The following GALNS variants were observed in gnomAD, a reference collection of about 807,000 sequenced individuals.
The protein encoded by GALNS is N-acetylgalactosamine-6-sulfatase.
In GALNS, 65 loss-of-function variants were observed where a neutral mutation model predicts 65.9. The ratio of observed to expected loss-of-function variants is 0.99; its 90% CI spans 0.81 to 1.21. The LOEUF (loss-of-function observed/expected upper bound fraction) is 1.21, where lower values mean the gene tolerates loss of function less well. Among genes scored for constraint, GALNS ranks in the 50% most tolerant of loss-of-function variants. The pLI, the probability that GALNS is intolerant of heterozygous loss-of-function variation, is 0.00. For synonymous variants in GALNS, 346 were observed against 288.9 expected (o/e 1.20, Z -2.00); for missense variants, 776 against 700.7 (o/e 1.11, Z -1.21).
At chr16:88,819,260 G>T (rs1419962003) in intron 12 of GALNS, among the ~76,000 whole-genome samples, 1 of 152,094 alleles carries the variant, frequency 6.6e-6, no homozygotes, top group Non-Finnish European at 1.5e-5. Flanking sequence ...TCAGGCCTGG[G>T]GTTGCATCAG....
chr16:88,841,171 G>T, intron 3 of GALNS, 77 bp from the exon 4 acceptor site: 1 of 1,127,932 alleles, frequency 8.9e-7, no homozygotes, highest in Non-Finnish European at 1.3e-6. Context: ...AGGACACTGG[G>T]GGCTGCGTCC....
chr16:88,842,845 C>A lies in GALNS; in HGVS notation c.121-16G>T, dbSNP rs113230137. Reference sequence around the variant, plus strand: ...CCCATCCCATCTGCAGGGAAGAGCACGGGGAGGAGGAATGAGCGCCTTCTG... The same window carrying A: ...CCCATCCCATCTGCAGGGAAGAGCAAGGGGAGGAGGAATGAGCGCCTTCTG... On this transcript the variant is annotated splice_polypyrimidine_tract_variant and intron_variant, in intron 1 of 13. Transcript: ENST00000268695. The A allele has an allele frequency of 1.2e-5, 19 of 1,612,330 alleles. No homozygotes were observed. In the Admixed American group the frequency reaches 3.2e-4, roughly 27 times the overall value.
intron 2 of GALNS, chr16:88,842,315 C>A (rs952013711): frequency 2.0e-6 from 1 of 510,290 alleles, no homozygotes; most frequent in Non-Finnish European, 3.6e-6. Flanking sequence ...CTCTTCCTCA[C>A]GATCAACACC....
At chr16:88,840,163 T>C (rs2143004070) in intron 4 of GALNS, among the ~76,000 whole-genome samples, 1 of 152,332 alleles carries the variant, frequency 6.6e-6, no homozygotes, top group East Asian at 1.9e-4. Flanking sequence ...AATGATGAAG[T>C]GCTCCCTAGA....
intron 9 of GALNS, among the ~76,000 whole-genome samples, chr16:88,830,529 C>T (rs1436661039): frequency 2.0e-5 from 3 of 152,210 alleles, no homozygotes; most frequent in African/African-American, 7.2e-5. Context: ...ATGGCTGCCT[C>T]TGGAGGCCAT....
At chr16:88,854,760 G>A (rs539319903) in intron 1 of GALNS, among the ~76,000 whole-genome samples, 75 of 152,364 alleles carry the variant, frequency 4.9e-4, no homozygotes, top group Non-Finnish European at 8.2e-4. Context: ...CTCGCCAGGC[G>A]GCCCTGGTCT....
chr16:88,814,473 T>G lies in GALNS; in HGVS notation c.1535A>C (p.Glu512Ala), dbSNP rs1289000226. 2 of 1,563,746 alleles carry G rather than the reference T, an allele frequency of 1.3e-6. No homozygotes were observed. Among genetic ancestry groups the G allele is most frequent in the East Asian group, 2.3e-5 (1 of 42,570 alleles). ...EKLGKCLTPP[E>A]SIPKKCLWSH ...CCAGAGGCACTTCTTGGGAATGGAT[T>G]CTGGAGGTGTCAGACACTTCCCTAA... The change falls in exon 14 of 14, where the codon GAA (glutamate) becomes GCA (alanine). Residue 512 changes from glutamate to alanine, a missense_variant. Physicochemically the swap from Glu to Ala is moderately radical, Grantham distance 107. Coordinates refer to ENST00000268695, the MANE Select transcript of GALNS (RefSeq NM_000512.5).
intron 1 of GALNS, chr16:88,856,269 G>C: frequency 1.4e-6 from 1 of 703,054 alleles, no homozygotes; most frequent in Non-Finnish European, 2.6e-6. Flanking sequence ...CCCAGCGGGG[G>C]GACCCGGCGG....
At chr16:88,849,296 A>G (rs1315148396) in intron 1 of GALNS, among the ~76,000 whole-genome samples, 3 of 150,632 alleles carry the variant, frequency 2.0e-5, no homozygotes, top group African/African-American at 7.3e-5. Flanking sequence ...TATTATCATT[A>G]TTTTTTGAGA....
chr16:88,817,839 G>A (rs943445650), intron 13 of GALNS, among the ~76,000 whole-genome samples, 168 bp downstream of exon 13: 2 of 151,870 alleles, frequency 1.3e-5, no homozygotes, highest in African/African-American at 4.8e-5. Flanking sequence ...CCTGCCTCCC[G>A]AATCCCGGAC....
In GALNS at chr16:88,835,262, G is replaced by T. The variant is rs774605848; in HGVS notation, c.849C>A (p.Val283=). 5.6e-6 allele frequency: 9 copies of T among 1,610,318 alleles called. No homozygotes were observed. In the South Asian group the frequency reaches 1.0e-4, roughly 18 times the overall value. Residue 283 remains valine, a synonymous_variant, in exon 8 of 14, where the codon GTC becomes GTA. Transcript: ENST00000268695. ...QDLHVADNTF[V]FFTSDNGAAL... is the part of the protein sequence containing the mutation. ...CAGCGCCGTTGTCCGACGTGAAGAA[G>T]ACGAAGGTGTTGTCCGCGACGTGCA...
chr16:88,827,178 A>C (rs1911019268), intron 9 of GALNS: 1 of 420,242 alleles, frequency 2.4e-6, no homozygotes, highest in Admixed American at 3.6e-5. Flanking sequence ...TCTAACACTG[A>C]ATGCCCTAAG....
chr16:88,824,687 C>T lies in GALNS; in HGVS notation c.1242+80G>A. 3.4e-6 allele frequency: 4 copies of T among 1,170,220 alleles called. No individual in the cohort carries two copies. In the South Asian group the frequency reaches 4.9e-5, roughly 14 times the overall value. 72.5% of individuals were successfully genotyped at this position (1,170,220 alleles called of 1,614,324 possible). On this transcript the variant is annotated intron_variant, in intron 11 of 13. Coordinates refer to ENST00000268695, the MANE Select transcript of GALNS (RefSeq NM_000512.5). ...CTGCCTGTCTCACCCTCCTGTGCCT[C>T]CCCCAGGACGGTGCTCAGGGGCCAC...
In GALNS at chr16:88,835,243, CGTTGTCCGACGTGAAGAAGACGAAGGT is replaced by C. The variant is rs1567530426; in HGVS notation, c.841_867del (p.Thr281_Asn289del). On this transcript the variant is annotated inframe_deletion, in exon 8 of 14. Coordinates refer to ENST00000268695, the MANE Select transcript of GALNS (RefSeq NM_000512.5). The stretch of plus-strand genomic sequence containing the variant: ...TCGGGGGCGGAAATGAGGGCAGCGC[CGTTGTCCGACGTGAAGAAGACGAAGGT>C]GTTGTCCGCGACGTGCAGGTCTTGG... The C allele has an allele frequency of 1.9e-5, 30 of 1,601,908 alleles. No homozygotes were observed. The highest frequency in any genetic ancestry group is 2.5e-5 in the Non-Finnish European group (29 of 1,173,734).
chr16:88,830,465 T>C (rs1385896428), intron 9 of GALNS, among the ~76,000 whole-genome samples: 18 of 149,918 alleles, frequency 1.2e-4, no homozygotes, highest in Admixed American at 1.2e-3. Context: ...TCATGTGTGA[T>C]GTTCCAGCTG....
At chr16:88,832,456 G>C (rs1261507345) in intron 8 of GALNS, among the ~76,000 whole-genome samples, 1 of 152,196 alleles carries the variant, frequency 6.6e-6, no homozygotes. Context: ...AAGCCTCCCG[G>C]TGTTTGGGGT....
intron 1 of GALNS, among the ~76,000 whole-genome samples, chr16:88,851,147 G>A (rs911545526): frequency 6.6e-6 from 1 of 152,180 alleles, no homozygotes; most frequent in Non-Finnish European, 1.5e-5. Context: ...TGCAGAGTGA[G>A]CAGGTTACCA....
At chr16:88,839,685 C>T (rs1036482419) in intron 4 of GALNS, among the ~76,000 whole-genome samples, 2 of 152,238 alleles carry the variant, frequency 1.3e-5, no homozygotes, top group Non-Finnish European at 2.9e-5. Context: ...CCCGGGCCAT[C>T]CAGCCACTGC....
chr16:88,830,951 A>C (rs866247049), intron 9 of GALNS, among the ~76,000 whole-genome samples: 18 of 152,212 alleles, frequency 1.2e-4, no homozygotes, highest in Non-Finnish European at 2.1e-4. Context: ...AGCCCCTTCT[A>C]GAAGCTCATG....
Sources: allele counts gnomAD v4.1 joint callset (sites outside exome capture counted in the v4.1 genomes callset), GRCh38; gene constraint gnomAD v4.1.1; transcripts MANE v1.5; gene names NCBI Gene and HGNC (gene_info 2026-07-23, HGNC 2026-07-21).